The following MDN1 variants were observed in gnomAD, a reference collection of about 807,000 sequenced individuals.
MDN1 encodes midasin AAA ATPase 1.
In MDN1, 266 loss-of-function variants were observed where a neutral mutation model predicts 669.2. That is an observed-to-expected ratio of 0.40 (90% confidence interval 0.36 to 0.44). MDN1 has a LOEUF of 0.44. Ranked by LOEUF, MDN1 falls within the 20% of genes least tolerant of loss-of-function variation. The pLI, the probability that MDN1 is intolerant of heterozygous loss-of-function variation, is 1.00. For missense variants in MDN1, 5,940 were observed against 6,754.0 expected, an observed-to-expected ratio of 0.88 and a Z score of 4.22; for synonymous variants, 2,385 against 2,457.1, an observed-to-expected ratio of 0.97 and a Z score of 0.87.
At chr6:89,728,766 C>A (rs1479497108) in intron 36 of MDN1, among the ~76,000 whole-genome samples, 165 bp downstream of exon 36, 1 of 152,026 alleles carries the variant, frequency 6.6e-6, no homozygotes. Context: ...GCACTCCAGC[C>A]TGGGCAACAG....
rs1322405646 is a variant in MDN1, at chr6:89,761,830, A to G, written c.2357-82T>C. 3.9e-6 allele frequency: 4 copies of G among 1,016,724 alleles called. No homozygotes were observed. The African/African-American group carries it at 6.5e-5, about 17-fold the overall frequency. 63.0% of individuals were successfully genotyped at this position (1,016,724 alleles called of 1,614,324 possible). A position where few individuals can be genotyped will look rare whatever the true frequency, so the allele number is the denominator to read the frequency against. On this transcript the variant is annotated intron_variant, in intron 16 of 101. Transcript: ENST00000369393. ...CTAAACAAACAAATACAATTAACAAAACACACAAAAATTAAGCATCTTACA... is the reference window on the plus strand; with the variant it reads ...CTAAACAAACAAATACAATTAACAAGACACACAAAAATTAAGCATCTTACA...
At chr6:89,658,005 A>C (rs1023590506) in intron 90 of MDN1, among the ~76,000 whole-genome samples, 4 of 152,258 alleles carry the variant, frequency 2.6e-5, no homozygotes, top group Non-Finnish European at 4.4e-5. Flanking sequence ...GGCATTTTTC[A>C]GAATGTATCC....
intron 29 of MDN1, 56 bp downstream of exon 29, chr6:89,745,217 A>C: frequency 6.2e-7 from 1 of 1,601,108 alleles, no homozygotes. Context: ...GTGATAACTC[A>C]AGTAATCCTA....
chr6:89,709,371 C>T (rs1813728509), intron 50 of MDN1, among the ~76,000 whole-genome samples: 1 of 152,170 alleles, frequency 6.6e-6, no homozygotes, highest in Admixed American at 6.5e-5. Context: ...TATTCCAACA[C>T]TCAGTAAGAT....
intron 99 of MDN1, among the ~76,000 whole-genome samples, chr6:89,647,255 CA>C (rs1210174928): frequency 1.3e-5 from 2 of 152,268 alleles, no homozygotes; most frequent in South Asian, 2.1e-4. Flanking sequence ...AACAACTGAG[CA>C]AAAGAGAAGG....
Position 89,715,726 on chromosome 6 carries a change from C to T in MDN1, c.6787G>A (p.Gly2263Ser). Reference sequence around the variant, plus strand: ...CCTCTCTCACTAATAGTGAGGACACCTCCGGGTTCAAGCAAAGCATTCAAA... The same window carrying T: ...CCTCTCTCACTAATAGTGAGGACACTTCCGGGTTCAAGCAAAGCATTCAAA... Reference protein sequence around the residue: ...DRLNALLEPGGVLTISERGMI... With the variant: ...DRLNALLEPGSVLTISERGMI... The change falls in exon 45 of 102, where the codon GGT (glycine) becomes AGT (serine). Residue 2263 changes from glycine to serine, a missense_variant. This residue lies in a region of MDN1 where 2,292 missense variants were observed against 2,638.3 expected (regional missense o/e 0.87). Transcript: ENST00000369393. 1 of 1,613,878 alleles carries T rather than the reference C, an allele frequency of 6.2e-7. No homozygotes were observed. The highest frequency in any genetic ancestry group is 1.7e-5 in the Admixed American group (1 of 60,022).
chr6:89,803,513 T>G lies in MDN1; in HGVS notation c.144A>C (p.Leu48Phe), dbSNP rs1466220563. ...PQDRQCVLST[L>F]AQLLLDKDCT... ...AGTCCTTATCCAAAAGCAACTGTGC[T>G]AAGGTACTCAGGACACACTGGCGAT... is the stretch of plus-strand genomic sequence containing the variant. Residue 48 changes from leucine (L) to phenylalanine (F), a missense_variant, in exon 2 of 102, where the codon TTA (leucine) becomes TTC (phenylalanine). This residue lies in a region of MDN1 where 1,203 missense variants were observed against 1,268.9 expected (regional missense o/e 0.95). Coordinates refer to ENST00000369393, the MANE Select transcript of MDN1 (RefSeq NM_014611.3). 2 of 1,613,682 alleles carry G rather than the reference T, an allele frequency of 1.2e-6. No individual in the cohort carries two copies. Among genetic ancestry groups the G allele is most frequent in the African/African-American group, 2.7e-5 (2 of 74,854 alleles).
At chr6:89,774,485 G>C (rs1818254089) in intron 13 of MDN1, 136 bp downstream of exon 13, 3 of 588,696 alleles carry the variant, frequency 5.1e-6, no homozygotes, top group Non-Finnish European at 9.1e-6. Flanking sequence ...GGAAAACACT[G>C]CTCCTTCCCA....
At chr6:89,671,262 T>G (rs1810735540) in intron 82 of MDN1, among the ~76,000 whole-genome samples, 182 bp from the exon 83 acceptor site, 1 of 152,162 alleles carries the variant, frequency 6.6e-6, no homozygotes, top group Admixed American at 6.5e-5. Flanking sequence ...CTCACTGAGA[T>G]TTCTTCATTT....
In MDN1 at chr6:89,650,212, TGGG is replaced by T. The variant is rs1348327884; in HGVS notation, c.16032-17_16032-15del. 6.3e-7 allele frequency: 1 copy of T among 1,599,226 alleles called. No homozygotes were observed. Among genetic ancestry groups the T allele is most frequent in the South Asian group, 1.1e-5 (1 of 89,258 alleles). ...CGATAGTCTCCTCTATTTATTCAAATGGGGGCAAAAATTAGTTAACAACTTTTA... is the reference window on the plus strand; with the variant it reads ...CGATAGTCTCCTCTATTTATTCAAATGGCAAAAATTAGTTAACAACTTTTA... On this transcript the variant is annotated splice_polypyrimidine_tract_variant and intron_variant, in intron 96 of 101. Coordinates refer to ENST00000369393, the MANE Select transcript of MDN1 (RefSeq NM_014611.3).
chr6:89,646,443 A>C (rs1373719057), intron 100 of MDN1, 97 bp downstream of exon 100: 8 of 972,540 alleles, frequency 8.2e-6, no homozygotes, highest in Non-Finnish European at 9.6e-6. Flanking sequence ...ATACCTATTA[A>C]AACACAGTGA....
intron 55 of MDN1, 50 bp downstream of exon 55, chr6:89,701,508 C>G: frequency 6.2e-7 from 1 of 1,603,534 alleles, no homozygotes; most frequent in East Asian, 2.2e-5. Flanking sequence ...AAAAGGACTT[C>G]AGAAGTAGTA....
intron 26 of MDN1, among the ~76,000 whole-genome samples, chr6:89,748,521 A>T (rs1464032610): frequency 2.6e-5 from 4 of 152,202 alleles, no homozygotes; most frequent in Non-Finnish European, 4.4e-5. Context: ...GTAGCTTTGC[A>T]GTTGACTAGG....
At chr6:89,677,355 A>G (rs1038985315) in intron 76 of MDN1, among the ~76,000 whole-genome samples, 10 of 152,144 alleles carry the variant, frequency 6.6e-5, no homozygotes, top group African/African-American at 2.4e-4. Context: ...GAGACTCCCA[A>G]AGTGCTGGGA....
At chr6:89,808,524 T>C (rs1490987139) in intron 1 of MDN1, among the ~76,000 whole-genome samples, 1 of 152,156 alleles carries the variant, frequency 6.6e-6, no homozygotes, top group Non-Finnish European at 1.5e-5. Flanking sequence ...CTCCAGTAGT[T>C]ATTCTTTGCA....
At chr6:89,756,920 CAA>C (rs1003724888) in intron 19 of MDN1, among the ~76,000 whole-genome samples, 21 of 104,656 alleles carry the variant, frequency 2.0e-4, no homozygotes, top group African/African-American at 2.2e-4. Flanking sequence ...GACTCCATCT[CAA>C]AAAAAAAAAA....
chr6:89,661,628 T>TA, intron 87 of MDN1, 50 bp from the exon 88 acceptor site: 1 of 1,523,050 alleles, frequency 6.6e-7, no homozygotes, highest in Non-Finnish European at 8.8e-7. Context: ...CAAATATTTT[T>TA]TTAAAAAGTA....
chr6:89,697,978 C>T lies in MDN1; in HGVS notation c.9168+887G>A, dbSNP rs531561280. On this transcript the variant is annotated intron_variant, in intron 59 of 101. Transcript: ENST00000369393. ...AACGTGAAAATATGTTCAATCTTCA[C>T]ACTTATCAAAGAAGTGCAAATGAGT... 4.6e-5 allele frequency among the ~76,000 whole-genome samples: 7 copies of T among 152,256 alleles called. No homozygotes were observed. The East Asian group carries it at 1.2e-3, about 25-fold the overall frequency.
chr6:89,663,867 G>A (rs576834811), intron 85 of MDN1, among the ~76,000 whole-genome samples: 13 of 151,550 alleles, frequency 8.6e-5, no homozygotes, highest in African/African-American at 2.7e-4. Flanking sequence ...GCGTGAACCC[G>A]AGAGGTGGAG....
Sources: allele counts gnomAD v4.1 joint callset (sites outside exome capture counted in the v4.1 genomes callset), GRCh38; gene constraint gnomAD v4.1.1; regional missense constraint gnomAD v4.1.1; transcripts MANE v1.5; gene names NCBI Gene and HGNC (gene_info 2026-07-23, HGNC 2026-07-21).